The following DES variants were observed in gnomAD, a reference collection of about 807,000 sequenced individuals.
DES encodes the protein cardiomyopathy, dilated 1F (autosomal dominant).
DES carries 34 observed loss-of-function variants against 55.1 expected under a neutral mutation model. The observed-to-expected ratio is 0.62, with a 90% confidence interval of 0.47 to 0.82. The LOEUF (loss-of-function observed/expected upper bound fraction) is 0.82, where lower values mean the gene tolerates loss of function less well. DES is among the 40% of genes least tolerant of loss of function. The probability of loss-of-function intolerance (pLI) is 0.00; values close to 1 mark genes in which losing one functional copy is unlikely to be tolerated. For synonymous variants in DES, 259 were observed against 270.8 expected (o/e 0.96, Z 0.43); for missense variants, 596 against 645.9 (o/e 0.92, Z 0.84).
intron 8 of DES, 51 bp downstream of exon 8, chr2:219,425,796 C>T (rs1954524917): frequency 6.2e-7 from 1 of 1,604,072 alleles, no homozygotes; most frequent in East Asian, 2.2e-5. Context: ...ATGGATGTGT[C>T]TGGGGGGACT....
In DES at chr2:219,423,808, C is replaced by T. The variant is rs754592742; in HGVS notation, c.1276C>T (p.Leu426Phe). The T allele has an allele frequency of 6.2e-7, 1 of 1,613,784 alleles. No individual in the cohort carries two copies. The highest frequency in any genetic ancestry group is 1.3e-5 in the African/African-American group (1 of 74,908). Residue 426 changes from leucine to phenylalanine, a missense_variant, in exon 7 of 9, where the codon CTC (leucine) becomes TTC (phenylalanine). Physicochemically the swap from Leu to Phe is conservative, Grantham distance 22. Coordinates refer to ENST00000373960, the MANE Select transcript of DES (RefSeq NM_001927.4). ...INLPIQTYSA[L>F]NFRETSPEQR... Reference sequence around the variant, plus strand: ...TCTCCCCATCCAGACCTACTCTGCCCTCAACTTCCGAGGTGAGTGTCTGCT... The same window carrying T: ...TCTCCCCATCCAGACCTACTCTGCCTTCAACTTCCGAGGTGAGTGTCTGCT...
At chr2:219,423,682 G>A (rs1302976057) in intron 6 of DES, 95 bp from the exon 7 acceptor site, 14 of 1,223,702 alleles carry the variant, frequency 1.1e-5, no homozygotes, top group South Asian at 2.4e-5. Context: ...CTGGTGATCC[G>A]CCCGCCTCGG....
In DES at chr2:219,420,967, C is replaced by T. The variant is rs899305731; in HGVS notation, c.1023+14C>T. 1.4e-5 allele frequency: 23 copies of T among 1,611,996 alleles called. No homozygotes were observed. The highest frequency in any genetic ancestry group is 2.7e-5 in the African/African-American group (2 of 74,856). ...CTGAAGGGCACTGTGAGTCCCTGCC[C>T]ACCTGGCCAGGCCCTGCCCCTTCCT... On this transcript the variant is annotated intron_variant, in intron 5 of 8. Coordinates refer to ENST00000373960, the MANE Select transcript of DES (RefSeq NM_001927.4). This position sits in a 1 kb window ranked among gnomAD's most constrained non-coding sequence, Gnocchi z 6.0.
chr2:219,425,718 C>T lies in DES; in HGVS notation c.1344C>T (p.Ile448=). 1 of 1,601,682 alleles carries T rather than the reference C, an allele frequency of 6.2e-7. No individual in the cohort carries two copies. The highest frequency in any genetic ancestry group is 8.5e-7 in the Non-Finnish European group (1 of 1,174,294). ...SEVHTKKTVM[I]KTIETRDGEV... is the part of the protein sequence containing the mutation. ...TCCATACCAAGAAGACGGTGATGAT[C>T]AAGACCATCGAGACACGGGATGGGG... Residue 448 remains isoleucine, a synonymous_variant, in exon 8 of 9, where the codon ATC becomes ATT. Coordinates refer to ENST00000373960, the MANE Select transcript of DES (RefSeq NM_001927.4).
intron 7 of DES, 114 bp from the exon 8 acceptor site, chr2:219,425,549 G>C: frequency 1.2e-6 from 1 of 865,768 alleles, no homozygotes; most frequent in Non-Finnish European, 1.9e-6. Flanking sequence ...CTGTCTTGAG[G>C]GGGGTTGGGG....
chr2:219,420,892 T>C lies in DES; in HGVS notation c.962T>C (p.Met321Thr), dbSNP rs760197212. 1.9e-6 allele frequency: 3 copies of C among 1,613,848 alleles called. No individual in the cohort carries two copies. Among genetic ancestry groups the C allele is most frequent in the Non-Finnish European group, 2.5e-6 (3 of 1,179,976 alleles). The change falls in exon 5 of 9, where the codon ATG becomes ACG. Residue 321 changes from methionine to threonine, a missense_variant. By Grantham distance (81) the Met-to-Thr change is moderately conservative (BLOSUM62 -1). Coordinates refer to ENST00000373960, the MANE Select transcript of DES (RefSeq NM_001927.4). The surrounding 1 kb of genome is among the most constrained non-coding windows in gnomAD (Gnocchi z 6.0). ...NDALRQAKQE[M>T]MEYRHQIQSY... The stretch of plus-strand genomic sequence containing the variant: ...GCCCTGCGCCAGGCCAAGCAGGAGA[T>C]GATGGAATACCGACACCAGATCCAG...
chr2:219,418,727 C>A lies in DES; in HGVS notation c.265C>A (p.Leu89Met). 1 of 1,562,770 alleles carries A rather than the reference C, an allele frequency of 6.4e-7. No individual in the cohort carries two copies. The highest frequency in any genetic ancestry group is 1.2e-5 in the South Asian group (1 of 85,182). The change falls in exon 1 of 9, where the codon CTG (leucine) becomes ATG (methionine). Residue 89 changes from leucine (L) to methionine (M), a missense_variant. Coordinates refer to ENST00000373960, the MANE Select transcript of DES (RefSeq NM_001927.4). Reference sequence around the variant, plus strand: ...CTCCTCCTACGGCGCAGGCGAGCTGCTGGACTTCTCACTGGCCGACGCGGT... The same window carrying A: ...CTCCTCCTACGGCGCAGGCGAGCTGATGGACTTCTCACTGGCCGACGCGGT... ...TPSSYGAGEL[L>M]DFSLADAVNQ...
In DES at chr2:219,425,763, G is replaced by A; in HGVS notation, c.1371+18G>A. 6.2e-6 allele frequency: 10 copies of A among 1,606,634 alleles called. No individual in the cohort carries two copies. The highest frequency in any genetic ancestry group is 1.1e-5 in the South Asian group (1 of 89,842). ...ATGGGGAGGTAAGTGGTCTGTCTGG[G>A]CTCCTTACCCTTGGTGGGGGCTATG... is the stretch of plus-strand genomic sequence containing the variant. On this transcript the variant is annotated intron_variant, in intron 8 of 8. Coordinates refer to ENST00000373960, the MANE Select transcript of DES (RefSeq NM_001927.4).
At position 219,420,561 on chromosome 2, in the gene DES, C is replaced by T; in HGVS notation, c.802C>T (p.Pro268Ser). Residue 268 changes from proline (P) to serine (S), a missense_variant, in exon 4 of 9, where the codon CCA (proline) becomes TCA (serine). Pro to Ser is a moderately conservative substitution (Grantham distance 74, BLOSUM62 -1). Coordinates refer to ENST00000373960, the MANE Select transcript of DES (RefSeq NM_001927.4). This position sits in a 1 kb window ranked among gnomAD's most constrained non-coding sequence, Gnocchi z 6.0. ...QVQVEMDMSK[P>S]DLTAALRDIR... ...CCAGGTGGAGATGGACATGTCTAAGCCAGACCTCACTGCCGCCCTCAGGGA... is the reference window on the plus strand; with the variant it reads ...CCAGGTGGAGATGGACATGTCTAAGTCAGACCTCACTGCCGCCCTCAGGGA... 1.2e-6 allele frequency: 2 copies of T among 1,613,964 alleles called. No individual in the cohort carries two copies. Among genetic ancestry groups the T allele is most frequent in the Non-Finnish European group, 1.7e-6 (2 of 1,180,008 alleles).
In DES at chr2:219,419,953, C is replaced by T. The variant is rs1954402260; in HGVS notation, c.579-142C>T. Reference sequence around the variant, plus strand: ...TCCCTGGGTGGGTGGGGCCTCTCCACTCCCTGTCTCTCCTGCCTCTACCCA... The same window carrying T: ...TCCCTGGGTGGGTGGGGCCTCTCCATTCCCTGTCTCTCCTGCCTCTACCCA... On this transcript the variant is annotated intron_variant, in intron 1 of 8. Transcript: ENST00000373960. This position sits in a 1 kb window ranked among gnomAD's most constrained non-coding sequence, Gnocchi z 4.3. 4.7e-6 allele frequency: 4 copies of T among 859,756 alleles called. No homozygotes were observed. In the African/African-American group the frequency reaches 6.7e-5, roughly 14 times the overall value. 53.3% of individuals were successfully genotyped at this position (859,756 alleles called of 1,614,324 possible). A position where few individuals can be genotyped will look rare whatever the true frequency, so the allele number is the denominator to read the frequency against.
intron 6 of DES, among the ~76,000 whole-genome samples, chr2:219,422,318 A>G (rs927408728): frequency 1.3e-5 from 2 of 148,614 alleles, no homozygotes; most frequent in African/African-American, 5.3e-5. Context: ...TTGCACACAC[A>G]TGCACACATG....
chr2:219,421,060 C>A, intron 5 of DES, 107 bp downstream of exon 5: 1 of 1,471,422 alleles, frequency 6.8e-7, no homozygotes, highest in Non-Finnish European at 9.2e-7. Flanking sequence ...CCTTCATCTA[C>A]TTAAATCTAC....
rs2125168127 is a variant in DES at position 219,420,822 on chromosome 2, C to T, written c.898-6C>T. The T allele has an allele frequency of 1.9e-6, 3 of 1,613,430 alleles. 1 individual carries two copies. In the South Asian group the frequency reaches 3.3e-5, roughly 18 times the overall value. ...CTCATTTTTGGGCCCCTTTCTCTGC[C>T]CTTAGGTGTCAGACCTGACCCAGGC... On this transcript the variant is annotated splice_region_variant and splice_polypyrimidine_tract_variant and intron_variant, in intron 4 of 8. Coordinates refer to ENST00000373960, the MANE Select transcript of DES (RefSeq NM_001927.4). This position sits in a 1 kb window ranked among gnomAD's most constrained non-coding sequence, Gnocchi z 6.0.
Position 219,419,972 on chromosome 2 carries a change from C to A in DES, c.579-123C>A. 1 of 1,025,096 alleles carries A rather than the reference C, an allele frequency of 9.8e-7. No homozygotes were observed. Among genetic ancestry groups the A allele is most frequent in the Non-Finnish European group, 1.5e-6 (1 of 658,348 alleles). 63.5% of individuals were successfully genotyped at this position (1,025,096 alleles called of 1,614,324 possible). ...TCTCCACTCCCTGTCTCTCCTGCCT[C>A]TACCCAGCAGCCAGGCCCTCCCGCT... On this transcript the variant is annotated intron_variant, in intron 1 of 8. Coordinates refer to ENST00000373960, the MANE Select transcript of DES (RefSeq NM_001927.4). The surrounding 1 kb of genome is among the most constrained non-coding windows in gnomAD (Gnocchi z 4.3).
chr2:219,419,261 C>T lies in DES; in HGVS notation c.578+221C>T, dbSNP rs1954390965. Among the ~76,000 whole-genome samples, 1 of 152,226 alleles carries T rather than the reference C, an allele frequency of 6.6e-6. No homozygotes were observed. Among genetic ancestry groups the T allele is most frequent in the Non-Finnish European group, 1.5e-5 (1 of 68,038 alleles). ...TCTTGCACAGGAGTTTTCTTGGGGA[C>T]ATAGATCAGGGGGTGGATATGGGAG... is the stretch of plus-strand genomic sequence containing the variant. On this transcript the variant is annotated intron_variant, in intron 1 of 8. Transcript: ENST00000373960. The surrounding 1 kb of genome is among the most constrained non-coding windows in gnomAD (Gnocchi z 4.3).
At chr2:219,422,882 C>A (rs1327726870) in intron 6 of DES, among the ~76,000 whole-genome samples, 1 of 152,150 alleles carries the variant, frequency 6.6e-6, no homozygotes, top group Non-Finnish European at 1.5e-5. Flanking sequence ...AATTTAACCT[C>A]AATTTAAAAC....
At chr2:219,425,393 T>C (rs865862683) in intron 7 of DES, 1 of 482,418 alleles carries the variant, frequency 2.1e-6, no homozygotes, top group Non-Finnish European at 3.8e-6. Context: ...AGGTGTCCCC[T>C]ACCCTCCTGC....
intron 8 of DES, 47 bp downstream of exon 8, chr2:219,425,792 G>A (rs367631850): frequency 1.2e-5 from 20 of 1,605,532 alleles, no homozygotes; most frequent in Non-Finnish European, 1.3e-5. Context: ...GGCTATGGAT[G>A]TGTCTGGGGG....
intron 6 of DES, among the ~76,000 whole-genome samples, chr2:219,422,708 C>T (rs1395209710): frequency 4.6e-5 from 7 of 152,034 alleles, no homozygotes; most frequent in African/African-American, 1.2e-4. Context: ...TCAAGTAATT[C>T]GCCTGCCTCA....
Sources: gnomAD v4.1 joint callset for allele counts (sites outside exome capture counted in the v4.1 genomes callset) on GRCh38, gnomAD v4.1.1 for gene constraint, Gnocchi (gnomAD v3.1) non-coding constraint, MANE v1.5 for transcripts, NCBI Gene and HGNC (gene_info 2026-07-23, HGNC 2026-07-21) for gene names.